CHRDL1: variants seen among roughly 807,000 people sequenced by gnomAD.
CHRDL1 encodes the protein chordin like 1, also known as chordin-like protein 1.
Under a neutral mutation model 40.9 loss-of-function variants are expected in CHRDL1, and 19 were observed. That is an observed-to-expected ratio of 0.46 (90% confidence interval 0.32 to 0.68). The LOEUF (loss-of-function observed/expected upper bound fraction) is 0.68, where lower values mean the gene tolerates loss of function less well. CHRDL1 is among the 30% of genes least tolerant of loss of function. CHRDL1 has a pLI of 0.03. For missense variants in CHRDL1, 329 were observed against 352.1 expected, an observed-to-expected ratio of 0.93 and a Z score of 0.53; for synonymous variants, 136 against 123.4, an observed-to-expected ratio of 1.10 and a Z score of -0.68.
chrX:110,712,140 C>A (rs1050120533), intron 6 of CHRDL1, among the ~76,000 whole-genome samples: 1 of 111,794 alleles, frequency 8.9e-6, no homozygotes, highest in Non-Finnish European at 1.9e-5. Context: ...AGACACAAAG[C>A]AATAACAGTG....
chrX:110,778,901 G>A (rs1002789339), intron 2 of CHRDL1, among the ~76,000 whole-genome samples: 3 of 111,880 alleles, frequency 2.7e-5, no homozygotes, highest in Non-Finnish European at 5.7e-5. Flanking sequence ...TATACACCAT[G>A]GAATACTATG....
intron 9 of CHRDL1, among the ~76,000 whole-genome samples, chrX:110,686,894 A>AC (rs2070031267): frequency 9.8e-6 from 1 of 102,269 alleles, no homozygotes; most frequent in Non-Finnish European, 2.0e-5. Flanking sequence ...AAAAAAACAA[A>AC]AAATAAAAAA....
chrX:110,705,304 T>TATATACAC (rs1491498596), intron 6 of CHRDL1, among the ~76,000 whole-genome samples: 1,736 of 77,573 alleles, frequency 0.022, 64 homozygotes, highest in African/African-American at 0.094. Flanking sequence ...TATATATATA[T>TATATACAC]ACACACACAC....
chrX:110,732,577 C>T (rs933438374), intron 4 of CHRDL1, among the ~76,000 whole-genome samples: 2 of 111,836 alleles, frequency 1.8e-5, no homozygotes, highest in African/African-American at 3.3e-5. Flanking sequence ...CCTCCTCATC[C>T]GGACCCCATC....
At chrX:110,752,646 C>CAT (rs1014210695) in intron 4 of CHRDL1, among the ~76,000 whole-genome samples, 40 of 108,923 alleles carry the variant, frequency 3.7e-4, no homozygotes, top group East Asian at 8.6e-4. Context: ...ACTCTGGACC[C>CAT]ATATATATAT....
Position 110,697,832 on chromosome X carries a change from AC to A in CHRDL1, c.609+2821del, listed in dbSNP as rs1334698492. Among the ~76,000 whole-genome samples, 337 of 82,091 alleles carry A rather than the reference AC, an allele frequency of 4.1e-3. 5 individuals carry two copies. Among genetic ancestry groups the A allele is most frequent in the African/African-American group, 0.024 (294 of 12,230 alleles). The allele number at this position is 82,091 out of a possible 115,157, so 71.3% of individuals were successfully genotyped here. A position where few individuals can be genotyped will look rare whatever the true frequency, so the allele number is the denominator to read the frequency against. ...CACCACTCCACACACACACACACAC[AC>A]ACACACACACACACACACACACACA... On this transcript the variant is annotated intron_variant, in intron 7 of 11. Coordinates refer to ENST00000372042, the MANE Select transcript of CHRDL1 (RefSeq NM_001143981.2).
At chrX:110,713,721 G>A (rs2070785772) in intron 6 of CHRDL1, among the ~76,000 whole-genome samples, 1 of 112,478 alleles carries the variant, frequency 8.9e-6, no homozygotes, top group African/African-American at 3.2e-5. Context: ...TGTAGAATGG[G>A]GATATAAATA....
At chrX:110,756,382 C>T (rs1357273365) in intron 4 of CHRDL1, among the ~76,000 whole-genome samples, 2 of 111,119 alleles carry the variant, frequency 1.8e-5, no homozygotes, top group African/African-American at 6.5e-5. Context: ...CAAGTGGCTT[C>T]CCATGTGAAG....
chrX:110,750,297 A>G (rs1248971369), intron 4 of CHRDL1, among the ~76,000 whole-genome samples: 2 of 112,028 alleles, frequency 1.8e-5, no homozygotes, highest in African/African-American at 6.5e-5. Context: ...TTCAGGTGTC[A>G]GGCAACTTGG....
Position 110,719,847 on chromosome X carries a change from G to A in CHRDL1, c.529C>T (p.Arg177Trp), listed in dbSNP as rs1603189584. The A allele has an allele frequency of 1.1e-5, 13 of 1,200,453 alleles. No homozygotes were observed. In the East Asian group the frequency reaches 3.0e-4, roughly 27 times the overall value. Residue 177 changes from arginine (R) to tryptophan (W), a missense_variant, in exon 6 of 12, where the codon CGG becomes TGG. By Grantham distance (101) the Arg-to-Trp change is moderately radical. Transcript: ENST00000372042. ...FPVSVPDSCC[R>W]VCRGDGELSW... ...ATAACACACCTACCTCTGCATACCC[G>A]GCAGCAGGAATCTGGAACAGAGACT...
intron 2 of CHRDL1, among the ~76,000 whole-genome samples, chrX:110,769,133 T>A (rs763367002): frequency 1.8e-5 from 2 of 112,314 alleles, no homozygotes; most frequent in South Asian, 7.5e-4. Flanking sequence ...CATGGCCTAG[T>A]ACACTGTGGG....
intron 4 of CHRDL1, among the ~76,000 whole-genome samples, chrX:110,723,683 A>G (rs1300466278): frequency 8.9e-6 from 1 of 111,924 alleles, no homozygotes; most frequent in Non-Finnish European, 1.9e-5. Flanking sequence ...AACCCAAACC[A>G]CTAGAACATG....
chrX:110,706,680 C>A (rs935987726), intron 6 of CHRDL1, among the ~76,000 whole-genome samples: 6 of 111,994 alleles, frequency 5.4e-5, no homozygotes, highest in African/African-American at 9.7e-5. Flanking sequence ...CCTCAGAGAG[C>A]AAAACTATGC....
At position 110,681,573 on chromosome X, in the gene CHRDL1, T is replaced by C; in HGVS notation, c.1065A>G (p.Val355=). The change falls in exon 10 of 12, where the codon GTA becomes GTG. Residue 355 remains valine, a synonymous_variant. Coordinates refer to ENST00000372042, the MANE Select transcript of CHRDL1 (RefSeq NM_001143981.2). The stretch of plus-strand genomic sequence containing the variant: ...TGGTTGTCTCCCCATCCTCCATGAA[T>C]ACAGACTCATACACAGGCATCGTTT... The part of the protein sequence containing the change: ...GEETMPVYES[V]FMEDGETTRK... The C allele has an allele frequency of 8.3e-7, 1 of 1,201,406 alleles. No individual in the cohort carries two copies. The highest frequency in any genetic ancestry group is 1.1e-6 in the Non-Finnish European group (1 of 886,174).
At chrX:110,740,891 A>G (rs1034876473) in intron 4 of CHRDL1, among the ~76,000 whole-genome samples, 2 of 112,452 alleles carry the variant, frequency 1.8e-5, no homozygotes, top group African/African-American at 6.5e-5. Context: ...GAACATATTC[A>G]TGCCCATTTA....
At position 110,725,455 on chromosome X, in the gene CHRDL1, C is replaced by CT. The variant is rs72034764; in HGVS notation, c.302-3926dup. On this transcript the variant is annotated intron_variant, in intron 4 of 11. Coordinates refer to ENST00000372042, the MANE Select transcript of CHRDL1 (RefSeq NM_001143981.2). ...CTCAGTCTGAATAACTGCCACAGGC[C>CT]TTTTTTTTTTTGTCCTTCAGAGCAA... Among the ~76,000 whole-genome samples the CT allele has an allele frequency of 3.7e-3, 383 of 102,631 alleles. 1 individual carries two copies. The highest frequency in any genetic ancestry group is 6.4e-3 in the Admixed American group (61 of 9,553). 89.1% of individuals were successfully genotyped at this position (102,631 alleles called of 115,157 possible). A position where few individuals can be genotyped will look rare whatever the true frequency, so the allele number is the denominator to read the frequency against.
chrX:110,746,202 C>T lies in CHRDL1; in HGVS notation c.301+13459G>A, dbSNP rs190493714. 1.1e-3 allele frequency among the ~76,000 whole-genome samples: 127 copies of T among 111,091 alleles called. 1 individual carries two copies. The highest frequency in any genetic ancestry group is 4.0e-3 in the African/African-American group (123 of 30,586). ...TCCCTGATCCCAGTGGTCTGAGAGG[C>T]CCCCTGCAGTACGGACACACTGTGC... On this transcript the variant is annotated intron_variant, in intron 4 of 11. Transcript: ENST00000372042.
rs1188260722 is a variant in CHRDL1 at position 110,681,616 on chromosome X, C to G, written c.1022G>C (p.Gly341Ala). 1.7e-6 allele frequency: 2 copies of G among 1,204,584 alleles called. No homozygotes were observed. Among genetic ancestry groups the G allele is most frequent in the East Asian group, 3.0e-5 (1 of 33,736 alleles). Residue 341 changes from glycine (G) to alanine (A), a missense_variant, in exon 10 of 12, where the codon GGC (glycine) becomes GCC (alanine). Gly to Ala is a moderately conservative substitution (Grantham distance 60). Coordinates refer to ENST00000372042, the MANE Select transcript of CHRDL1 (RefSeq NM_001143981.2). ...CATCGTTTCTTCCCCGCAGAAGTAGCCTTTATTGTCAAAGCTTTGGCCTGG... is the reference window on the plus strand; with the variant it reads ...CATCGTTTCTTCCCCGCAGAAGTAGGCTTTATTGTCAAAGCTTTGGCCTGG... ...ELPGQSFDNK[G>A]YFCGEETMPV...
chrX:110,790,120 A>G (rs1403495714), intron 2 of CHRDL1, among the ~76,000 whole-genome samples: 1 of 112,102 alleles, frequency 8.9e-6, no homozygotes, highest in Admixed American at 9.4e-5. Flanking sequence ...TATAGGACAT[A>G]TGCTTTGAGG....
Sources: gnomAD v4.1 joint callset for allele counts (sites outside exome capture counted in the v4.1 genomes callset) on GRCh38, gnomAD v4.1.1 for gene constraint, MANE v1.5 for transcripts, NCBI Gene and HGNC (gene_info 2026-07-23, HGNC 2026-07-21) for gene names.